The following RBPJ variants were observed in gnomAD, a reference collection of about 807,000 sequenced individuals.
RBPJ encodes recombination signal binding protein for immunoglobulin kappa J region, also known as recombining binding protein suppressor of hairless.
RBPJ carries 9 observed loss-of-function variants against 67.8 expected under a neutral mutation model. The observed-to-expected ratio is 0.13, with a 90% CI of 0.08 to 0.23. The LOEUF (loss-of-function observed/expected upper bound fraction) is 0.23, where lower values mean the gene tolerates loss of function less well. Ranked by LOEUF, RBPJ falls within the 10% of genes least tolerant of loss-of-function variation. The probability of loss-of-function intolerance (pLI) is 1.00; values close to 1 mark genes in which losing one functional copy is unlikely to be tolerated. For synonymous variants in RBPJ, 198 were observed against 203.3 expected, an observed-to-expected ratio of 0.97 and a Z score of 0.22; for missense variants, 305 against 595.6, an observed-to-expected ratio of 0.51 and a Z score of 5.08.
intron 1 of RBPJ, among the ~76,000 whole-genome samples, chr4:26,229,111 C>G (rs1331870427): frequency 6.6e-6 from 1 of 152,166 alleles, no homozygotes; most frequent in Non-Finnish European, 1.5e-5. Flanking sequence ...ATTAAAACCC[C>G]AAGTTAGGCA....
At chr4:26,181,718 G>A (rs1717003097) in intron 1 of RBPJ, among the ~76,000 whole-genome samples, 1 of 152,150 alleles carries the variant, frequency 6.6e-6, no homozygotes, top group South Asian at 2.1e-4. Context: ...GGATACTGTA[G>A]GTAATTGGAA....
intron 1 of RBPJ, among the ~76,000 whole-genome samples, chr4:26,268,884 A>T (rs1231559562): frequency 1.3e-5 from 2 of 152,178 alleles, no homozygotes; most frequent in Non-Finnish European, 2.9e-5. Context: ...TGTTAGAACA[A>T]ATTTCATATG....
chr4:26,193,092 G>C (rs1433616478), intron 1 of RBPJ, among the ~76,000 whole-genome samples: 1 of 151,904 alleles, frequency 6.6e-6, no homozygotes, highest in Non-Finnish European at 1.5e-5. Flanking sequence ...GGGACATTCA[G>C]AAAAAAAAGT....
chr4:26,279,425 C>G lies in RBPJ; in HGVS notation c.-166-83021C>G, dbSNP rs558194067. Among the ~76,000 whole-genome samples, 33 of 152,228 alleles carry G rather than the reference C, an allele frequency of 2.2e-4. No individual in the cohort carries two copies. The South Asian group carries it at 6.4e-3, about 30-fold the overall frequency. On this transcript the variant is annotated intron_variant, in intron 1 of 4. Coordinates refer to the RBPJ transcript ENST00000512351. ...CCCCCCGAGTAGTTGGGACTACAAGCGTGCCCCACCACGCCCAGCTAATTT... is the reference window on the plus strand; with the variant it reads ...CCCCCCGAGTAGTTGGGACTACAAGGGTGCCCCACCACGCCCAGCTAATTT...
chr4:26,205,997 AT>A (rs35294117), intron 1 of RBPJ, among the ~76,000 whole-genome samples: 82,042 of 151,794 alleles, frequency 0.54, 22,436 homozygotes, highest in East Asian at 0.69. Context: ...ATATATGCGT[AT>A]TTTTTTTATA....
intron 1 of RBPJ, among the ~76,000 whole-genome samples, chr4:26,202,949 G>A (rs760750362): frequency 1.3e-4 from 16 of 127,868 alleles, no homozygotes; most frequent in Non-Finnish European, 2.4e-4. Flanking sequence ...GAGAAAGGAA[G>A]GAAGAAAGGA....
At chr4:26,291,082 G>A (rs916140674) in intron 1 of RBPJ, among the ~76,000 whole-genome samples, 3 of 150,908 alleles carry the variant, frequency 2.0e-5, no homozygotes, top group Non-Finnish European at 4.4e-5. Flanking sequence ...TGCTTCAGAA[G>A]TGTTGCAGAA....
the RBPJ span, among the ~76,000 whole-genome samples, chr4:26,123,425 G>A: frequency 2.6e-5 from 4 of 152,146 alleles, no homozygotes; most frequent in Middle Eastern, 3.2e-3. Flanking sequence ...GAGTGGATGC[G>A]AAGGCCTAGG....
intron 1 of RBPJ, among the ~76,000 whole-genome samples, chr4:26,243,652 T>G (rs1343386620): frequency 1.3e-5 from 2 of 152,242 alleles, no homozygotes; most frequent in Non-Finnish European, 2.9e-5. Flanking sequence ...GGTGGGCTAA[T>G]AATTTAAATT....
At chr4:26,221,348 T>C (rs1447280709) in intron 1 of RBPJ, among the ~76,000 whole-genome samples, 2 of 152,100 alleles carry the variant, frequency 1.3e-5, no homozygotes, top group Admixed American at 6.6e-5. Flanking sequence ...CCTCCGCCTC[T>C]CAAAGTGCTG....
chr4:26,158,011 A>G, the RBPJ span, among the ~76,000 whole-genome samples: 1 of 152,226 alleles, frequency 6.6e-6, no homozygotes, highest in Non-Finnish European at 1.5e-5. Flanking sequence ...ACCCAGCCCA[A>G]ATTGCTGACC....
chr4:26,160,263 AC>A (rs1307441382), upstream of RBPJ, among the ~76,000 whole-genome samples: 3 of 152,188 alleles, frequency 2.0e-5, no homozygotes, highest in African/African-American at 7.2e-5. Context: ...TACACACATC[AC>A]CTGCAATTCA....
chr4:26,384,299 C>T (rs750804326), intron 1 of RBPJ, among the ~76,000 whole-genome samples: 4 of 152,128 alleles, frequency 2.6e-5, no homozygotes, highest in African/African-American at 4.8e-5. Context: ...AATGAAAATA[C>T]TAAAATATTC....
intron 1 of RBPJ, among the ~76,000 whole-genome samples, chr4:26,286,047 C>A (rs1721454198): frequency 6.6e-6 from 1 of 152,154 alleles, no homozygotes; most frequent in Non-Finnish European, 1.5e-5. Context: ...GGCTGCAGTG[C>A]GCTATGATCG....
At chr4:26,130,769 C>T in the RBPJ span, among the ~76,000 whole-genome samples, 2 of 152,154 alleles carry the variant, frequency 1.3e-5, no homozygotes, top group South Asian at 4.1e-4. Context: ...ATCTCATCAC[C>T]TGAAAATGTA....
intron 1 of RBPJ, among the ~76,000 whole-genome samples, chr4:26,222,881 C>T (rs916549456): frequency 1.1e-4 from 16 of 151,756 alleles, no homozygotes; most frequent in Admixed American, 8.5e-4. Flanking sequence ...ATTGGCCAGG[C>T]GTGGTGGCTC....
upstream of RBPJ, chr4:26,320,704 C>T: frequency 6.5e-7 from 1 of 1,536,760 alleles, no homozygotes; most frequent in South Asian, 1.2e-5. Flanking sequence ...CCTCAGTCTC[C>T]ACGTACGTCC....
At chr4:26,268,354 T>G (rs1047838490) in intron 1 of RBPJ, among the ~76,000 whole-genome samples, 4 of 152,218 alleles carry the variant, frequency 2.6e-5, no homozygotes, top group Non-Finnish European at 4.4e-5. Flanking sequence ...CTGTTTTTGC[T>G]TCATTTCTGG....
rs547864585 is a variant in RBPJ, at chr4:26,264,401, C to T, written c.-166-98045C>T. Among the ~76,000 whole-genome samples the T allele has an allele frequency of 2.9e-4, 44 of 152,298 alleles. 1 individual carries two copies. Among genetic ancestry groups the T allele is most frequent in the Admixed American group, 1.0e-3 (16 of 15,302 alleles). ...ACTATGACAGCCTTCTGACTAACCT[C>T]CCTATCTCTCTTCTTTGCCTCCTAC... On this transcript the variant is annotated intron_variant, in intron 1 of 4. Coordinates refer to the RBPJ transcript ENST00000512351. The surrounding 1 kb of genome is among the most constrained non-coding windows in gnomAD (Gnocchi z 4.1).
Sources: allele counts gnomAD v4.1 joint callset (sites outside exome capture counted in the v4.1 genomes callset), GRCh38; gene constraint gnomAD v4.1.1; non-coding constraint Gnocchi (gnomAD v3.1); transcripts MANE v1.5; gene names NCBI Gene and HGNC (gene_info 2026-07-23, HGNC 2026-07-21).